LRRTM4: variants seen among roughly 807,000 people sequenced by gnomAD.
The protein encoded by LRRTM4 is leucine rich repeat transmembrane neuronal 4.
LRRTM4 carries 25 observed loss-of-function variants against 47.6 expected under a neutral mutation model. That is an observed-to-expected ratio of 0.53 (90% CI 0.38 to 0.73). LRRTM4 has a LOEUF of 0.73. LRRTM4 is among the 30% of genes least tolerant of loss of function. The pLI is 0.00. For missense variants in LRRTM4, 638 were observed against 713.4 expected (o/e 0.89, Z 1.20); for synonymous variants, 311 against 269.5 (o/e 1.15, Z -1.51).
intron 3 of LRRTM4, among the ~76,000 whole-genome samples, chr2:76,885,549 G>A (rs1219767203): frequency 2.1e-5 from 3 of 145,294 alleles, no homozygotes; most frequent in South Asian, 4.3e-4. Context: ...TGCAAGCTCC[G>A]CCTCCCGGGT....
intron 3 of LRRTM4, among the ~76,000 whole-genome samples, chr2:77,421,811 A>G (rs1448738077): frequency 6.6e-6 from 1 of 152,174 alleles, no homozygotes; most frequent in East Asian, 1.9e-4. Flanking sequence ...CAATAACACC[A>G]GGGTTGAGAA....
chr2:77,213,969 G>GA (rs200629779), intron 3 of LRRTM4, among the ~76,000 whole-genome samples: 1,651 of 145,348 alleles, frequency 0.011, 33 homozygotes, highest in Admixed American at 0.033. Flanking sequence ...ACAAACAAAA[G>GA]AAAAAAAAAA....
At chr2:77,517,100 T>C in intron 3 of LRRTM4, 1 of 985,140 alleles carries the variant, frequency 1.0e-6, no homozygotes, top group East Asian at 1.1e-4. Context: ...TAGTAGTCAG[T>C]CTTTGCACAT....
Position 77,139,061 on chromosome 2 carries a change from C to G in LRRTM4, c.1551+379257G>C, listed in dbSNP as rs548914460. Among the ~76,000 whole-genome samples the G allele has an allele frequency of 3.2e-4, 48 of 152,224 alleles. No homozygotes were observed. In the South Asian group the frequency reaches 9.3e-3, roughly 30 times the overall value. On this transcript the variant is annotated intron_variant, in intron 3 of 3. Transcript: ENST00000409884. ...CCAGAGGTACAAGGAGGAGCTGGTACCATTTCTTCTGAAACTATTCCAATC... is the reference window on the plus strand; with the variant it reads ...CCAGAGGTACAAGGAGGAGCTGGTAGCATTTCTTCTGAAACTATTCCAATC...
chr2:77,520,814 A>T (rs954650942), intron 2 of LRRTM4, among the ~76,000 whole-genome samples: 6 of 151,864 alleles, frequency 4.0e-5, no homozygotes, highest in Non-Finnish European at 7.4e-5. Context: ...GCAAAGTTAC[A>T]ATCTATTGGC....
At chr2:76,828,680 A>AC (rs1360041803) in intron 3 of LRRTM4, among the ~76,000 whole-genome samples, 1 of 151,910 alleles carries the variant, frequency 6.6e-6, no homozygotes, top group Admixed American at 6.6e-5. Context: ...TCTTTACTTG[A>AC]AAAGGCACTT....
chr2:76,917,101 G>C (rs1018590843), intron 3 of LRRTM4, among the ~76,000 whole-genome samples: 2 of 152,172 alleles, frequency 1.3e-5, no homozygotes, highest in East Asian at 1.9e-4. Flanking sequence ...AAAGGGCCAG[G>C]AAGTGTTTTA....
intron 3 of LRRTM4, among the ~76,000 whole-genome samples, chr2:77,425,237 G>T (rs12618176): frequency 6.6e-6 from 1 of 151,894 alleles, no homozygotes; most frequent in East Asian, 1.9e-4. Flanking sequence ...CAAGTTTCTT[G>T]TAAGAACTCT....
chr2:77,351,236 A>G (rs1671758785), intron 3 of LRRTM4, among the ~76,000 whole-genome samples: 1 of 152,052 alleles, frequency 6.6e-6, no homozygotes, highest in Admixed American at 6.6e-5. Context: ...TTACTGGAGG[A>G]AACACACATT....
intron 3 of LRRTM4, among the ~76,000 whole-genome samples, chr2:77,124,231 T>C (rs1424894691): frequency 6.6e-6 from 1 of 151,906 alleles, no homozygotes; most frequent in Non-Finnish European, 1.5e-5. Flanking sequence ...CCAAAAACAT[T>C]AGGACGACGA....
Position 77,519,033 on chromosome 2 carries a change from A to T in LRRTM4, c.836T>A (p.Leu279Ter). ...EPGTFKCLPN[L>*]QKLNLDSNKL... is the part of the protein sequence containing the mutation. ...GTTGGAATCCAAATTCAATTTTTGTAAATTGGGGAGGCATTTAAATGTGCC... is the reference window on the plus strand; with the variant it reads ...GTTGGAATCCAAATTCAATTTTTGTTAATTGGGGAGGCATTTAAATGTGCC... The change falls in exon 3 of 4, where the codon TTA becomes TAA. Residue 279 changes from leucine (L) to a stop codon, truncating the protein, a stop_gained. Coordinates refer to ENST00000409884, the MANE Select transcript of LRRTM4 (RefSeq NM_001134745.3). LOFTEE classifies it high-confidence loss of function. The surrounding 1 kb of genome is among the most constrained non-coding windows in gnomAD (Gnocchi z 4.6). 6.2e-7 allele frequency: 1 copy of T among 1,612,042 alleles called. No homozygotes were observed. Among genetic ancestry groups the T allele is most frequent in the Non-Finnish European group, 8.5e-7 (1 of 1,178,962 alleles).
chr2:77,208,755 G>A (rs149743536), intron 3 of LRRTM4, among the ~76,000 whole-genome samples: 2 of 152,226 alleles, frequency 1.3e-5, no homozygotes, highest in East Asian at 3.9e-4. Context: ...CCATAAGCAA[G>A]TTGATAGTTC....
intron 3 of LRRTM4, among the ~76,000 whole-genome samples, chr2:76,807,481 T>TAC (rs1162707586): frequency 7.6e-6 from 1 of 131,716 alleles, no homozygotes; most frequent in Non-Finnish European, 1.6e-5. Context: ...CATATATATA[T>TAC]ATATACATAT....
chr2:76,775,637 G>A (rs1673937446), intron 3 of LRRTM4, among the ~76,000 whole-genome samples: 1 of 152,148 alleles, frequency 6.6e-6, no homozygotes, highest in African/African-American at 2.4e-5. Context: ...TCAGGAGTTA[G>A]CAGCTTTATA....
chr2:77,290,035 T>C (rs1040352219), intron 3 of LRRTM4, among the ~76,000 whole-genome samples: 2 of 152,018 alleles, frequency 1.3e-5, no homozygotes, highest in African/African-American at 4.8e-5. Context: ...TTTAATACTT[T>C]ATAAGCAATC....
chr2:76,816,554 A>AT (rs1670901432), intron 3 of LRRTM4, among the ~76,000 whole-genome samples: 1 of 151,834 alleles, frequency 6.6e-6, no homozygotes, highest in Admixed American at 6.6e-5. Flanking sequence ...ATTTTTATTT[A>AT]TTTTTTATTT....
At chr2:77,121,486 T>G (rs1227888181) in intron 3 of LRRTM4, among the ~76,000 whole-genome samples, 1 of 151,862 alleles carries the variant, frequency 6.6e-6, no homozygotes, top group Non-Finnish European at 1.5e-5. Flanking sequence ...ATATCTAAAA[T>G]TTGACTGCTC....
intron 3 of LRRTM4, among the ~76,000 whole-genome samples, chr2:77,491,231 C>T (rs934702957): frequency 6.6e-6 from 1 of 151,572 alleles, no homozygotes; most frequent in African/African-American, 2.4e-5. Flanking sequence ...TAAATGATTG[C>T]CTGAATGAGG....
chr2:77,112,268 T>G (rs534428551), intron 3 of LRRTM4, among the ~76,000 whole-genome samples: 1 of 152,324 alleles, frequency 6.6e-6, no homozygotes, highest in Non-Finnish European at 1.5e-5. Context: ...TTCTATTTGT[T>G]TATGTTTTTC....
Sources: allele counts gnomAD v4.1 joint callset (sites outside exome capture counted in the v4.1 genomes callset), GRCh38; gene constraint gnomAD v4.1.1; non-coding constraint Gnocchi (gnomAD v3.1); transcripts MANE v1.5; gene names NCBI Gene and HGNC (gene_info 2026-07-23, HGNC 2026-07-21).